The following SYNC variants were observed in gnomAD, a reference collection of about 807,000 sequenced individuals.
SYNC encodes syncoilin, intermediate filament protein, also known as syncoilin.
In SYNC, 38 loss-of-function variants were observed where a neutral mutation model predicts 49.5. The ratio of observed to expected loss-of-function variants is 0.77; its 90% CI spans 0.59 to 1.01. The LOEUF (loss-of-function observed/expected upper bound fraction) is 1.01, where lower values mean the gene tolerates loss of function less well. Among genes scored for constraint, SYNC ranks in the 50% least tolerant of loss-of-function variants. The pLI, the probability that SYNC is intolerant of heterozygous loss-of-function variation, is 0.00. For missense variants in SYNC, 579 were observed against 580.6 expected (o/e 1.00, Z 0.03); for synonymous variants, 201 against 230.8 (o/e 0.87, Z 1.17).
intron 2 of SYNC, among the ~76,000 whole-genome samples, chr1:32,686,841 A>G (rs756986037): frequency 2.0e-5 from 3 of 152,192 alleles, no homozygotes; most frequent in Non-Finnish European, 4.4e-5. Flanking sequence ...AGGATTTGCC[A>G]TTGGCTTAGA....
chr1:32,687,200 A>C (rs1208593821), intron 2 of SYNC, among the ~76,000 whole-genome samples: 2 of 151,970 alleles, frequency 1.3e-5, no homozygotes, highest in Admixed American at 1.3e-4. Flanking sequence ...CCTCTACTAA[A>C]AATACAAAAA....
At chr1:32,696,625 T>G (rs949818269) in intron 1 of SYNC, among the ~76,000 whole-genome samples, 1 of 152,036 alleles carries the variant, frequency 6.6e-6, no homozygotes, top group African/African-American at 2.4e-5. Context: ...AATTTTTGTA[T>G]TTTTAGTGGA....
chr1:32,689,286 G>C (rs991779190), intron 2 of SYNC, among the ~76,000 whole-genome samples: 1 of 116,440 alleles, frequency 8.6e-6, no homozygotes, highest in Non-Finnish European at 1.6e-5. Flanking sequence ...CTGTCACCCA[G>C]GCTGGATTGC....
chr1:32,691,858 G>C (rs1650182345), intron 2 of SYNC, among the ~76,000 whole-genome samples: 1 of 152,144 alleles, frequency 6.6e-6, no homozygotes, highest in Admixed American at 6.6e-5. Context: ...CACTGGTCTA[G>C]ATTCTCCCTA....
At position 32,681,806 on chromosome 1, in the gene SYNC, GA is replaced by G; in HGVS notation, c.*43del. 1 of 1,614,166 alleles carries G rather than the reference GA, an allele frequency of 6.2e-7. No individual in the cohort carries two copies. The highest frequency in any genetic ancestry group is 8.5e-7 in the Non-Finnish European group (1 of 1,180,014). The stretch of plus-strand genomic sequence containing the variant: ...AGGGTACTTAGTGATCCTTTGCTAA[GA>G]AGTTTTTTGCTGTTTCCGGGTTACA... On this transcript the variant is annotated 3_prime_UTR_variant, in exon 5 of 5. Transcript: ENST00000409190.
rs1415594519 is a variant in SYNC, at chr1:32,681,817, C to T, written c.*33G>A. The T allele has an allele frequency of 6.2e-7, 1 of 1,614,122 alleles. No homozygotes were observed. The highest frequency in any genetic ancestry group is 1.1e-5 in the South Asian group (1 of 91,086). On this transcript the variant is annotated 3_prime_UTR_variant, in exon 5 of 5. Coordinates refer to ENST00000409190, the MANE Select transcript of SYNC (RefSeq NM_030786.3). The stretch of plus-strand genomic sequence containing the variant: ...TGATCCTTTGCTAAGAAGTTTTTTG[C>T]TGTTTCCGGGTTACAGATTTGGCCA...
Position 32,692,544 on chromosome 1 carries a change from C to T in SYNC, c.1233+2321G>A, listed in dbSNP as rs190173737. Among the ~76,000 whole-genome samples, 13 of 152,190 alleles carry T rather than the reference C, an allele frequency of 8.5e-5. No individual in the cohort carries two copies. In the East Asian group the frequency reaches 2.3e-3, roughly 27 times the overall value. Reference sequence around the variant, plus strand: ...GGTGGATCACCTGAGGTCAGGTGTTCGAGACCAGCCTGACCAACATGGTGA... The same window carrying T: ...GGTGGATCACCTGAGGTCAGGTGTTTGAGACCAGCCTGACCAACATGGTGA... On this transcript the variant is annotated intron_variant, in intron 2 of 4. Coordinates refer to ENST00000409190, the MANE Select transcript of SYNC (RefSeq NM_030786.3).
chr1:32,689,367 T>C (rs1650049612), intron 2 of SYNC, among the ~76,000 whole-genome samples: 1 of 148,240 alleles, frequency 6.7e-6, no homozygotes, highest in South Asian at 2.2e-4. Context: ...GCCTCCTGAG[T>C]AGCTGGGATT....
chr1:32,701,601 C>T (rs1417734315), intron 1 of SYNC, among the ~76,000 whole-genome samples: 1 of 152,238 alleles, frequency 6.6e-6, no homozygotes, highest in African/African-American at 2.4e-5. Flanking sequence ...CCACCCCACC[C>T]ATGGTGCCAG....
rs549579583 is a variant in SYNC at position 32,693,074 on chromosome 1, T to C, written c.1233+1791A>G. Among the ~76,000 whole-genome samples, 351 of 140,134 alleles carry C rather than the reference T, an allele frequency of 2.5e-3. 1 individual carries two copies. Among genetic ancestry groups the C allele is most frequent in the African/African-American group, 8.6e-3 (339 of 39,466 alleles). The allele number at this position is 140,134 out of a possible 152,430, so 91.9% of individuals were successfully genotyped here. ...ACCCCAAAAACCACAGTGTTTTTTTTTTGTTTGTTTGTTTTTGTTTGTTTT... is the reference window on the plus strand; with the variant it reads ...ACCCCAAAAACCACAGTGTTTTTTTCTTGTTTGTTTGTTTTTGTTTGTTTT... On this transcript the variant is annotated intron_variant, in intron 2 of 4. Coordinates refer to ENST00000409190, the MANE Select transcript of SYNC (RefSeq NM_030786.3).
Position 32,680,680 on chromosome 1 carries a change from A to G in SYNC, c.*1170T>C, listed in dbSNP as rs1012227024. The G allele has an allele frequency of 1.3e-5, 10 of 783,918 alleles. No individual in the cohort carries two copies. The highest frequency in any genetic ancestry group is 2.0e-5 in the Non-Finnish European group (10 of 500,732). 48.6% of individuals were successfully genotyped at this position (783,918 alleles called of 1,614,324 possible). On this transcript the variant is annotated 3_prime_UTR_variant, in exon 5 of 5. Transcript: ENST00000409190. ...CCCATGCTGATGGGTTTTATTTAGT[A>G]TAAAACATCCATCAAACACCAGTCT... is the stretch of plus-strand genomic sequence containing the variant.
chr1:32,696,695 G>A (rs978923213), intron 1 of SYNC, among the ~76,000 whole-genome samples: 1 of 151,796 alleles, frequency 6.6e-6, no homozygotes, highest in African/African-American at 2.4e-5. Flanking sequence ...TGATCTGCCC[G>A]CCTCGGCCTC....
At chr1:32,685,553 G>A (rs1649764461) in intron 2 of SYNC, 1 of 152,216 alleles carries the variant, frequency 6.6e-6, no homozygotes, top group African/African-American at 2.4e-5. Flanking sequence ...ACTTGACATT[G>A]TACCTGTGGC....
intron 2 of SYNC, among the ~76,000 whole-genome samples, chr1:32,688,795 A>G (rs534346566): frequency 3.3e-5 from 5 of 151,612 alleles, no homozygotes; most frequent in East Asian, 2.0e-4. Context: ...GTTAGCCAGG[A>G]TGGTCTCGAT....
At chr1:32,696,448 C>T (rs754560270) in intron 1 of SYNC, among the ~76,000 whole-genome samples, 5 of 151,702 alleles carry the variant, frequency 3.3e-5, no homozygotes, top group Non-Finnish European at 7.4e-5. Context: ...CAAGTAGCAC[C>T]ACCACGCCTT....
At chr1:32,685,972 A>ACT (rs1649798809) in intron 2 of SYNC, 1 of 152,136 alleles carries the variant, frequency 6.6e-6, no homozygotes. Flanking sequence ...CTCCAACTTG[A>ACT]ACCTCTGTTA....
intron 4 of SYNC, 79 bp downstream of exon 4, chr1:32,683,931 C>A: frequency 6.9e-7 from 1 of 1,452,960 alleles, no homozygotes; most frequent in Non-Finnish European, 9.6e-7. Flanking sequence ...CCCCGTCCGG[C>A]CTGTTTTTAA....
In SYNC at chr1:32,702,171, TGACA is replaced by T. The variant is rs1650693825; in HGVS notation, c.53+433_53+436del. 6.6e-6 allele frequency among the ~76,000 whole-genome samples: 1 copy of T among 152,190 alleles called. No individual in the cohort carries two copies. Among genetic ancestry groups the T allele is most frequent in the South Asian group, 2.1e-4 (1 of 4,830 alleles). ...AGGCCAGACGGGAGAGAACAAGCCC[TGACA>T]GACTCTTAACTTCAAGCTGGCAGAT... On this transcript the variant is annotated intron_variant, in intron 1 of 4. Transcript: ENST00000409190. The surrounding 1 kb of genome is among the most constrained non-coding windows in gnomAD (Gnocchi z 6.2).
intron 2 of SYNC, among the ~76,000 whole-genome samples, chr1:32,692,595 A>C (rs1250462082): frequency 2.0e-5 from 3 of 152,100 alleles, no homozygotes; most frequent in Non-Finnish European, 4.4e-5. Context: ...AAAATACCCA[A>C]ATTAGCTGGG....
Sources: allele counts gnomAD v4.1 joint callset (sites outside exome capture counted in the v4.1 genomes callset), GRCh38; gene constraint gnomAD v4.1.1; non-coding constraint Gnocchi (gnomAD v3.1); transcripts MANE v1.5; gene names NCBI Gene and HGNC (gene_info 2026-07-23, HGNC 2026-07-21).